DLGAP2: variants seen among roughly 807,000 people sequenced by gnomAD.
DLGAP2 encodes the protein DLG associated protein 2.
DLGAP2 carries 26 observed loss-of-function variants against 100.3 expected under a neutral mutation model. The observed-to-expected ratio is 0.26, with a 90% confidence interval of 0.19 to 0.36. The LOEUF (loss-of-function observed/expected upper bound fraction) is 0.36, where lower values mean the gene tolerates loss of function less well. Among genes scored for constraint, DLGAP2 ranks in the 10% least tolerant of loss-of-function variants. DLGAP2 has a pLI of 1.00. For synonymous variants in DLGAP2, 886 were observed against 630.1 expected, an observed-to-expected ratio of 1.41 and a Z score of -6.08; for missense variants, 1,858 against 1,453.2, an observed-to-expected ratio of 1.28 and a Z score of -4.53.
chr8:1,598,409 C>A (rs1418601984), intron 6 of DLGAP2, among the ~76,000 whole-genome samples: 1 of 152,158 alleles, frequency 6.6e-6, no homozygotes, highest in East Asian at 1.9e-4. Context: ...CCGTCTTTTT[C>A]TATTGTTTGG....
At chr8:1,337,575 G>A (rs1191441213) in intron 3 of DLGAP2, among the ~76,000 whole-genome samples, 5 of 151,548 alleles carry the variant, frequency 3.3e-5, no homozygotes, top group Admixed American at 6.6e-5. Flanking sequence ...TGAAGAGGAG[G>A]AGGAAGATGG....
intron 2 of DLGAP2, among the ~76,000 whole-genome samples, chr8:1,173,394 AC>A (rs1332594139): frequency 6.6e-6 from 1 of 152,168 alleles, no homozygotes; most frequent in Non-Finnish European, 1.5e-5. Context: ...TGCTAGGAGA[AC>A]CACTGCTCTC....
intron 1 of DLGAP2, among the ~76,000 whole-genome samples, chr8:844,027 A>G (rs892214562): frequency 4.6e-5 from 7 of 152,230 alleles, no homozygotes; most frequent in African/African-American, 9.6e-5. Flanking sequence ...TTGACATTTA[A>G]TAGTACCTGT....
chr8:1,465,195 C>G (rs1431019637), intron 3 of DLGAP2, among the ~76,000 whole-genome samples: 1 of 152,242 alleles, frequency 6.6e-6, no homozygotes, highest in African/African-American at 2.4e-5. Flanking sequence ...TTCTAACCAG[C>G]CAGTGGTAAA....
At chr8:1,304,621 T>C (rs539059081) in intron 3 of DLGAP2, among the ~76,000 whole-genome samples, 5 of 152,276 alleles carry the variant, frequency 3.3e-5, no homozygotes, top group Admixed American at 3.3e-4. Flanking sequence ...CCAATAATAA[T>C]TAAATTTATA....
intron 2 of DLGAP2, among the ~76,000 whole-genome samples, chr8:1,161,832 C>T (rs1011265838): frequency 2.0e-5 from 3 of 152,244 alleles, no homozygotes; most frequent in Non-Finnish European, 4.4e-5. Context: ...ATTGGTGCCT[C>T]TTGGTGGCTT....
rs570436937 is a variant in DLGAP2 at position 1,364,508 on chromosome 8, G to T, written c.106+105625G>T. ...GCGCCGGTCATGGGAAGGGCGGGGG[G>T]GGTGCAGCGAAGCAGACACATTTTC... On this transcript the variant is annotated intron_variant, in intron 3 of 14. Transcript: ENST00000637795. Among the ~76,000 whole-genome samples the T allele has an allele frequency of 1.4e-4, 21 of 149,970 alleles. 2 individuals carry two copies. The highest frequency in any genetic ancestry group is 2.7e-4 in the Non-Finnish European group (18 of 67,548).
At chr8:1,520,062 G>A (rs893696779) in intron 4 of DLGAP2, among the ~76,000 whole-genome samples, 15 of 152,208 alleles carry the variant, frequency 9.9e-5, no homozygotes, top group Non-Finnish European at 4.4e-5. Context: ...TCTCCACTGA[G>A]AGCTCTCTCT....
chr8:744,779 A>C (rs552757938), intron 1 of DLGAP2, among the ~76,000 whole-genome samples: 1 of 152,158 alleles, frequency 6.6e-6, no homozygotes, highest in Non-Finnish European at 1.5e-5. Context: ...CTTCACCCAC[A>C]CTGGACGGTG....
intron 1 of DLGAP2, among the ~76,000 whole-genome samples, chr8:874,524 T>TG (rs1797655002): frequency 1.3e-5 from 2 of 152,382 alleles, no homozygotes; most frequent in South Asian, 2.1e-4. Flanking sequence ...AACTTTTTTC[T>TG]GTTGTTGATT....
intron 3 of DLGAP2, among the ~76,000 whole-genome samples, chr8:1,360,831 G>A (rs192811424): frequency 1.8e-3 from 281 of 152,322 alleles, no homozygotes; most frequent in African/African-American, 6.2e-3. Context: ...GAGGCAGGGC[G>A]TGGGCCGTCT....
intron 2 of DLGAP2, among the ~76,000 whole-genome samples, chr8:1,257,429 C>T (rs1172403337): frequency 6.6e-6 from 1 of 152,004 alleles, no homozygotes; most frequent in Non-Finnish European, 1.5e-5. Context: ...CTCTGCCTGC[C>T]CCTCCACCCC....
At chr8:1,676,696 C>A in intron 11 of DLGAP2, 78 bp downstream of exon 11, 3 of 1,398,788 alleles carry the variant, frequency 2.1e-6, no homozygotes, top group Non-Finnish European at 3.0e-6. Context: ...GCTCCTAGAT[C>A]CTGCCGGCCC....
chr8:1,353,201 A>C (rs527646496), intron 3 of DLGAP2, among the ~76,000 whole-genome samples: 2 of 152,204 alleles, frequency 1.3e-5, no homozygotes, highest in South Asian at 4.1e-4. Flanking sequence ...GTCCTGCATT[A>C]GCTTCCTTCC....
At chr8:1,368,126 T>C (rs1281213626) in intron 3 of DLGAP2, among the ~76,000 whole-genome samples, 1 of 152,226 alleles carries the variant, frequency 6.6e-6, no homozygotes, top group Non-Finnish European at 1.5e-5. Context: ...TGTAGGCATG[T>C]GCGTGTATGC....
chr8:874,804 G>T lies in DLGAP2; in HGVS notation c.19-33108G>T, dbSNP rs558888620. 1.1e-4 allele frequency among the ~76,000 whole-genome samples: 16 copies of T among 152,250 alleles called. No individual in the cohort carries two copies. In the South Asian group the frequency reaches 3.3e-3, roughly 32 times the overall value. ...CTAGTTGATCTATCCATCATTAAGA[G>T]TGTGGTATTAAAGTCTTCGGCTATT... On this transcript the variant is annotated intron_variant, in intron 1 of 14. Coordinates refer to ENST00000637795, the MANE Select transcript of DLGAP2 (RefSeq NM_001346810.2).
At chr8:1,676,456 C>A in intron 10 of DLGAP2, 77 bp from the exon 11 acceptor site, 1 of 1,455,668 alleles carries the variant, frequency 6.9e-7, no homozygotes. Flanking sequence ...TACAGCAAAT[C>A]CACAACAACA....
intron 2 of DLGAP2, among the ~76,000 whole-genome samples, chr8:1,008,499 C>G: frequency 6.6e-6 from 1 of 152,202 alleles, no homozygotes; most frequent in East Asian, 1.9e-4. Flanking sequence ...TATATAAAAT[C>G]ATATTTTCTT....
intron 4 of DLGAP2, among the ~76,000 whole-genome samples, chr8:1,531,922 C>T (rs1224650811): frequency 2.6e-5 from 4 of 152,240 alleles, no homozygotes; most frequent in African/African-American, 9.6e-5. Context: ...GTCCTGAGGA[C>T]ATGTGCCCAA....
Sources: gnomAD v4.1 joint callset for allele counts (sites outside exome capture counted in the v4.1 genomes callset) on GRCh38, gnomAD v4.1.1 for gene constraint, MANE v1.5 for transcripts, NCBI Gene and HGNC (gene_info 2026-07-23, HGNC 2026-07-21) for gene names.